The following LOXL2 variants were observed in gnomAD, a reference collection of about 807,000 sequenced individuals.
LOXL2 encodes lysyl oxidase like 2, also known as lysyl oxidase homolog 2.
Under a neutral mutation model 93.0 loss-of-function variants are expected in LOXL2, and 70 were observed. The observed-to-expected ratio is 0.75, with a 90% CI of 0.62 to 0.92. The LOEUF (loss-of-function observed/expected upper bound fraction) is 0.92. Ranked by LOEUF, LOXL2 falls within the 40% of genes least tolerant of loss-of-function variation. The probability of loss-of-function intolerance (pLI) is 0.00; values close to 1 mark genes in which losing one functional copy is unlikely to be tolerated. For synonymous variants in LOXL2, 438 were observed against 413.2 expected (o/e 1.06, Z -0.73); for missense variants, 973 against 1,054.9 (o/e 0.92, Z 1.08).
At chr8:23,384,958 A>G (rs185739370) in intron 1 of LOXL2, among the ~76,000 whole-genome samples, 204 of 118,170 alleles carry the variant, frequency 1.7e-3, no homozygotes, top group African/African-American at 5.0e-3. Context: ...CAACATGGAC[A>G]GTGAATTAGT....
chr8:23,331,275 T>C (rs1239096072), intron 5 of LOXL2, among the ~76,000 whole-genome samples: 1 of 152,046 alleles, frequency 6.6e-6, no homozygotes, highest in East Asian at 1.9e-4. Flanking sequence ...CCTCTGCTGC[T>C]CCTGCCTGGC....
intron 4 of LOXL2, among the ~76,000 whole-genome samples, chr8:23,338,535 G>T: frequency 6.6e-6 from 1 of 152,182 alleles, no homozygotes; most frequent in South Asian, 2.1e-4. Flanking sequence ...CCCCAGACTG[G>T]GAATTACTTT....
rs759540204 is a variant in LOXL2, at chr8:23,368,332, G to A, written c.20C>T (p.Ser7Phe). 3.4e-5 allele frequency: 55 copies of A among 1,612,052 alleles called. No individual in the cohort carries two copies. The South Asian group carries it at 5.1e-4, about 15-fold the overall frequency. MERPLC[S>F]HLCSCLAMLA... ...CATAGCCAGGCAGCTGCAGAGGTGG[G>A]AGCACAGAGGCCTCTCCATCCCTGT... Residue 7 changes from serine to phenylalanine, a missense_variant, in exon 2 of 14, where the codon TCC becomes TTC. Coordinates refer to ENST00000389131, the MANE Select transcript of LOXL2 (RefSeq NM_002318.3).
chr8:23,373,308 G>C (rs188788332), intron 1 of LOXL2, among the ~76,000 whole-genome samples: 11 of 152,092 alleles, frequency 7.2e-5, no homozygotes, highest in African/African-American at 1.9e-4. Context: ...CCAGCGGAGG[G>C]GGGGCCTAAC....
At chr8:23,397,205 G>T (rs1047165291) in intron 1 of LOXL2, among the ~76,000 whole-genome samples, 1 of 145,700 alleles carries the variant, frequency 6.9e-6, no homozygotes, top group East Asian at 2.1e-4. Flanking sequence ...TGGTCGGAGG[G>T]GGAGAGTGGA....
At chr8:23,377,142 T>G (rs1170721435) in intron 1 of LOXL2, among the ~76,000 whole-genome samples, 1 of 152,218 alleles carries the variant, frequency 6.6e-6, no homozygotes, top group Non-Finnish European at 1.5e-5. Flanking sequence ...ATGTTGTGTC[T>G]TTGTTCTCAT....
chr8:23,385,293 C>CTCCA (rs1804742706), intron 1 of LOXL2, among the ~76,000 whole-genome samples: 1 of 148,162 alleles, frequency 6.7e-6, no homozygotes, highest in African/African-American at 2.5e-5. Flanking sequence ...GTTGCCCAGG[C>CTCCA]TGGAGTGCAG....
At chr8:23,302,921 G>A (rs1418377631) in intron 11 of LOXL2, among the ~76,000 whole-genome samples, 1 of 152,160 alleles carries the variant, frequency 6.6e-6, no homozygotes, top group South Asian at 2.1e-4. Flanking sequence ...GGGACACTTG[G>A]CATTGGGACA....
At chr8:23,399,981 G>A (rs960150187) in intron 1 of LOXL2, among the ~76,000 whole-genome samples, 8 of 152,220 alleles carry the variant, frequency 5.3e-5, no homozygotes, top group Admixed American at 5.2e-4. Context: ...CTATTTTATG[G>A]AAGGTCTGTT....
chr8:23,361,098 AC>A (rs1804283533), intron 2 of LOXL2, among the ~76,000 whole-genome samples: 11 of 151,924 alleles, frequency 7.2e-5, no homozygotes, highest in Admixed American at 7.2e-4. Flanking sequence ...ATGGAGTGTC[AC>A]CATGTTGGCC....
intron 9 of LOXL2, 181 bp downstream of exon 9, chr8:23,316,764 TAGAC>T (rs1330990467): frequency 1.7e-6 from 1 of 599,766 alleles, no homozygotes. Flanking sequence ...CACTACATCA[TAGAC>T]AGCGATCTGT....
chr8:23,372,374 C>G (rs6982715), intron 1 of LOXL2, among the ~76,000 whole-genome samples: 1 of 151,778 alleles, frequency 6.6e-6, no homozygotes, highest in Admixed American at 6.6e-5. Flanking sequence ...TGTACCACCA[C>G]GCCTGGCCAA....
At chr8:23,378,191 A>G (rs1804622437) in intron 1 of LOXL2, among the ~76,000 whole-genome samples, 1 of 152,088 alleles carries the variant, frequency 6.6e-6, no homozygotes, top group African/African-American at 2.4e-5. Context: ...TTTCTCCTTC[A>G]CTTATGAAGC....
intron 3 of LOXL2, among the ~76,000 whole-genome samples, chr8:23,342,842 C>T (rs112280946): frequency 2.0e-5 from 3 of 152,138 alleles, no homozygotes; most frequent in African/African-American, 7.2e-5. Flanking sequence ...TCTCCATATC[C>T]TGGGCTCAAC....
chr8:23,297,389 AAT>A lies in LOXL2; in HGVS notation c.*652_*653del, dbSNP rs1358399275. 6.6e-6 allele frequency: 1 copy of A among 152,264 alleles called. No individual in the cohort carries two copies. Among genetic ancestry groups the A allele is most frequent in the Non-Finnish European group, 1.5e-5 (1 of 68,070 alleles). The allele number at this position is 152,264 out of a possible 1,614,324, so 9.4% of individuals were successfully genotyped here. The stretch of plus-strand genomic sequence containing the variant: ...TGTACTTCCAAGGGCCCAGATGTCC[AAT>A]ATTAAATGCCAATAAATTTGTGCTT... On this transcript the variant is annotated 3_prime_UTR_variant, in exon 14 of 14. Transcript: ENST00000389131.
intron 4 of LOXL2, among the ~76,000 whole-genome samples, chr8:23,340,106 G>A (rs1803856749): frequency 6.6e-6 from 1 of 152,184 alleles, no homozygotes; most frequent in African/African-American, 2.4e-5. Context: ...GGACACAGGG[G>A]ACCTCCAGAG....
In LOXL2 at chr8:23,333,425, T is replaced by A; in HGVS notation, c.942A>T (p.Arg314Ser). Reference sequence around the variant, plus strand: ...CCTCTGGCTTGTACGCTTTCCGGAATCTTGAGGGTCCGTCAGGGCTGAAGA... The same window carrying A: ...CCTCTGGCTTGTACGCTTTCCGGAAACTTGAGGGTCCGTCAGGGCTGAAGA... The part of the protein sequence containing the change: ...GQVFSPDGPS[R>S]FRKAYKPEQP... The change falls in exon 5 of 14, where the codon AGA (arginine) becomes AGT (serine). Residue 314 changes from arginine (R) to serine (S), a missense_variant. By Grantham distance (110) the Arg-to-Ser change is moderately radical. Transcript: ENST00000389131. The A allele has an allele frequency of 6.2e-7, 1 of 1,613,786 alleles. No individual in the cohort carries two copies. The highest frequency in any genetic ancestry group is 8.5e-7 in the Non-Finnish European group (1 of 1,180,012).
intron 6 of LOXL2, among the ~76,000 whole-genome samples, chr8:23,325,706 C>T (rs778512575): frequency 4.6e-5 from 7 of 152,194 alleles, no homozygotes; most frequent in Admixed American, 6.5e-5. Context: ...AGCACTGGAG[C>T]GCTGCATGCT....
Position 23,374,070 on chromosome 8 carries a change from G to A in LOXL2, c.-83-5636C>T, listed in dbSNP as rs112978988. 7.6e-3 allele frequency among the ~76,000 whole-genome samples: 1,155 copies of A among 151,776 alleles called. 11 individuals are homozygous for A. Among genetic ancestry groups the A allele is most frequent in the African/African-American group, 0.026 (1,091 of 41,294 alleles). Reference sequence around the variant, plus strand: ...ACCCGTTTACTCGTCATTTACATTGGGTATATCTCCTAATGCTTTCCCTCC... The same window carrying A: ...ACCCGTTTACTCGTCATTTACATTGAGTATATCTCCTAATGCTTTCCCTCC... On this transcript the variant is annotated intron_variant, in intron 1 of 13. Transcript: ENST00000389131.
Sources: gnomAD v4.1 joint callset for allele counts (sites outside exome capture counted in the v4.1 genomes callset) on GRCh38, gnomAD v4.1.1 for gene constraint, MANE v1.5 for transcripts, NCBI Gene and HGNC (gene_info 2026-07-23, HGNC 2026-07-21) for gene names.